The following HDAC9 variants were observed in gnomAD, a reference collection of about 807,000 sequenced individuals.
The protein encoded by HDAC9 is histone deacetylase 9.
In HDAC9, 41 loss-of-function variants were observed where a neutral mutation model predicts 139.4. The ratio of observed to expected loss-of-function variants is 0.29; its 90% CI spans 0.23 to 0.38. The LOEUF (loss-of-function observed/expected upper bound fraction) is 0.38. Among genes scored for constraint, HDAC9 ranks in the 10% least tolerant of loss-of-function variants. The pLI, the probability that HDAC9 is intolerant of heterozygous loss-of-function variation, is 1.00. For missense variants in HDAC9, 1,147 were observed against 1,297.0 expected, an observed-to-expected ratio of 0.88 and a Z score of 1.78; for synonymous variants, 517 against 476.2, an observed-to-expected ratio of 1.09 and a Z score of -1.12.
chr7:18,907,450 T>C (rs1299922653), intron 22 of HDAC9, among the ~76,000 whole-genome samples: 1 of 152,242 alleles, frequency 6.6e-6, no homozygotes, highest in Non-Finnish European at 1.5e-5. Context: ...GATGCTATGA[T>C]GCATGTCAAG....
At chr7:18,193,373 G>A (rs899534517) in intron 2 of HDAC9, among the ~76,000 whole-genome samples, 2 of 152,118 alleles carry the variant, frequency 1.3e-5, no homozygotes, top group African/African-American at 4.8e-5. Flanking sequence ...TTAGTATCAG[G>A]TATTTTAAAA....
chr7:18,474,226 G>C (rs1794942195), intron 1 of HDAC9, among the ~76,000 whole-genome samples: 1 of 152,208 alleles, frequency 6.6e-6, no homozygotes, highest in South Asian at 2.1e-4. Context: ...AATAATGGGT[G>C]AATCTATGTA....
chr7:18,453,086 A>G (rs904857433), intron 1 of HDAC9, among the ~76,000 whole-genome samples: 3 of 152,136 alleles, frequency 2.0e-5, no homozygotes, highest in Admixed American at 1.3e-4. Context: ...CATTGAATGA[A>G]TTTATATCTT....
At chr7:18,452,086 T>G (rs2128103383) in intron 1 of HDAC9, among the ~76,000 whole-genome samples, 1 of 152,284 alleles carries the variant, frequency 6.6e-6, no homozygotes, top group South Asian at 2.1e-4. Flanking sequence ...GAACTTCAGT[T>G]AGCAGCCTTG....
rs1482055327 is a variant in HDAC9 at position 18,998,958 on chromosome 7, GAC to G, written c.*2898_*2899del. The G allele has an allele frequency of 2.0e-5, 3 of 151,992 alleles. No homozygotes were observed. Among genetic ancestry groups the G allele is most frequent in the African/African-American group, 7.3e-5 (3 of 41,368 alleles). The allele number at this position is 151,992 out of a possible 1,614,324, so 9.4% of individuals were successfully genotyped here. On this transcript the variant is annotated 3_prime_UTR_variant, in exon 26 of 26. Transcript: ENST00000686413. ...GCTGTATATTAAACTAAAAAACACA[GAC>G]AGTTTTATTAAATAGTAACCAAAAT...
intron 16 of HDAC9, among the ~76,000 whole-genome samples, chr7:18,787,733 A>G (rs1170931438): frequency 6.6e-6 from 1 of 152,190 alleles, no homozygotes; most frequent in Admixed American, 6.5e-5. Flanking sequence ...TATCCCTGCC[A>G]TTTGGCAAAA....
chr7:18,895,173 A>G (rs981870782), intron 22 of HDAC9, among the ~76,000 whole-genome samples: 1 of 152,164 alleles, frequency 6.6e-6, no homozygotes, highest in African/African-American at 2.4e-5. Context: ...ACCAGTCAGA[A>G]TAACTATGTC....
chr7:18,144,224 C>G (rs370556180), intron 1 of HDAC9, among the ~76,000 whole-genome samples: 82 of 152,002 alleles, frequency 5.4e-4, no homozygotes, highest in African/African-American at 1.7e-3. Context: ...CCTTAAATAC[C>G]AGCTCTAAGA....
chr7:18,748,444 G>T (rs373019458), intron 13 of HDAC9, among the ~76,000 whole-genome samples: 3 of 152,132 alleles, frequency 2.0e-5, no homozygotes, highest in Non-Finnish European at 2.9e-5. Flanking sequence ...AAATTATGGG[G>T]AGAAACACAA....
chr7:18,093,360 A>G (rs1782291356), intron 1 of HDAC9, among the ~76,000 whole-genome samples: 1 of 152,128 alleles, frequency 6.6e-6, no homozygotes, highest in Non-Finnish European at 1.5e-5. Context: ...TGAAGTTTCC[A>G]GGGGGAAAGC....
At chr7:18,485,118 G>T (rs978079436) in intron 1 of HDAC9, among the ~76,000 whole-genome samples, 13 of 152,048 alleles carry the variant, frequency 8.5e-5, no homozygotes, top group South Asian at 2.1e-4. Context: ...CATTAGTTGG[G>T]GGGAACACAT....
chr7:18,773,865 C>T (rs1004503819), intron 16 of HDAC9, among the ~76,000 whole-genome samples: 1 of 152,052 alleles, frequency 6.6e-6, no homozygotes, highest in African/African-American at 2.4e-5. Flanking sequence ...AGATATTCAC[C>T]CCCGTAACAA....
At chr7:18,992,071 A>G (rs546981019) in intron 25 of HDAC9, among the ~76,000 whole-genome samples, 2 of 152,358 alleles carry the variant, frequency 1.3e-5, no homozygotes, top group South Asian at 4.1e-4. Context: ...AAGATAAACT[A>G]TGGCAGCCAT....
At chr7:18,094,507 T>G (rs996213370) in intron 1 of HDAC9, among the ~76,000 whole-genome samples, 2 of 151,514 alleles carry the variant, frequency 1.3e-5, no homozygotes, top group African/African-American at 4.9e-5. Flanking sequence ...CACAGCTCAG[T>G]ATAACCTTGA....
intron 1 of HDAC9, among the ~76,000 whole-genome samples, chr7:18,109,688 A>G (rs1384317721): frequency 6.6e-6 from 1 of 151,452 alleles, no homozygotes; most frequent in African/African-American, 2.4e-5. Context: ...ATACTTATTC[A>G]TGTTGGACAT....
At chr7:18,833,374 A>T (rs1460015515) in intron 19 of HDAC9, among the ~76,000 whole-genome samples, 1 of 152,250 alleles carries the variant, frequency 6.6e-6, no homozygotes, top group Non-Finnish European at 1.5e-5. Flanking sequence ...AAAAGTAATC[A>T]AAGCAATATT....
intron 2 of HDAC9, among the ~76,000 whole-genome samples, chr7:18,504,464 C>G (rs1238518230): frequency 1.3e-5 from 2 of 152,122 alleles, no homozygotes; most frequent in East Asian, 1.9e-4. Flanking sequence ...GCCACCATGC[C>G]TGACTAATTT....
chr7:18,191,945 T>C (rs140468993), intron 2 of HDAC9, among the ~76,000 whole-genome samples: 164 of 152,294 alleles, frequency 1.1e-3, no homozygotes, highest in Non-Finnish European at 1.9e-3. Context: ...GAGGAGACAT[T>C]ATACGTGCTT....
intron 12 of HDAC9, among the ~76,000 whole-genome samples, chr7:18,673,834 A>G (rs1405627151): frequency 6.6e-6 from 1 of 152,042 alleles, no homozygotes; most frequent in African/African-American, 2.4e-5. Flanking sequence ...GTGTTAGCAG[A>G]GATATGAGGC....
Sources: gnomAD v4.1 joint callset for allele counts (sites outside exome capture counted in the v4.1 genomes callset) on GRCh38, gnomAD v4.1.1 for gene constraint, MANE v1.5 for transcripts, NCBI Gene and HGNC (gene_info 2026-07-23, HGNC 2026-07-21) for gene names.